CTNNA2: variants seen among roughly 807,000 people sequenced by gnomAD.
CTNNA2 encodes the protein catenin alpha 2.
In CTNNA2, 42 loss-of-function variants were observed where a neutral mutation model predicts 101.0. That is an observed-to-expected ratio of 0.42 (90% confidence interval 0.32 to 0.54). The LOEUF is 0.54. Ranked by LOEUF, CTNNA2 falls within the 20% of genes least tolerant of loss-of-function variation. The pLI, the probability that CTNNA2 is intolerant of heterozygous loss-of-function variation, is 0.14. For missense variants in CTNNA2, 871 were observed against 1,223.1 expected (o/e 0.71, Z 4.29); for synonymous variants, 450 against 456.4 (o/e 0.99, Z 0.18).
intron 1 of CTNNA2, among the ~76,000 whole-genome samples, chr2:79,642,780 T>G (rs1446215737): frequency 1.7e-5 from 1 of 57,948 alleles, no homozygotes; most frequent in Non-Finnish European, 2.8e-5. Context: ...TTTCTCCTGT[T>G]TTTTTTTTTT....
chr2:80,575,857 A>G (rs367561415), intron 13 of CTNNA2, among the ~76,000 whole-genome samples: 5 of 152,152 alleles, frequency 3.3e-5, no homozygotes, highest in African/African-American at 1.2e-4. Context: ...CTATCTCGAC[A>G]TTTCAAGTAG....
chr2:79,723,377 G>C (rs1011579914), intron 2 of CTNNA2, among the ~76,000 whole-genome samples: 9 of 152,142 alleles, frequency 5.9e-5, no homozygotes, highest in African/African-American at 1.7e-4. Context: ...TTCCCTACTG[G>C]TATCAGTGTA....
intron 7 of CTNNA2, among the ~76,000 whole-genome samples, chr2:80,074,593 ACCTGAG>A (rs993672878): frequency 1.3e-5 from 2 of 152,120 alleles, no homozygotes; most frequent in African/African-American, 4.8e-5. Flanking sequence ...TGATCAAACA[ACCTGAG>A]TCCTGTACTC....
At chr2:79,559,711 A>G (rs1330118887) in intron 1 of CTNNA2, among the ~76,000 whole-genome samples, 3 of 151,892 alleles carry the variant, frequency 2.0e-5, no homozygotes, top group East Asian at 1.9e-4. Flanking sequence ...TAGTAGTTCT[A>G]TCTAGCAGAG....
At chr2:80,552,986 G>A (rs1260659594) in intron 11 of CTNNA2, among the ~76,000 whole-genome samples, 1 of 151,584 alleles carries the variant, frequency 6.6e-6, no homozygotes, top group Admixed American at 6.6e-5. Context: ...GGAGGCCAAG[G>A]CAGGCAGATC....
chr2:79,865,012 T>G (rs2103991241), intron 4 of CTNNA2, among the ~76,000 whole-genome samples: 1 of 152,320 alleles, frequency 6.6e-6, no homozygotes, highest in African/African-American at 2.4e-5. Context: ...GGTGTCATTT[T>G]TTTTTGTACA....
rs555603635 is a variant in CTNNA2, at chr2:80,549,337, ATT to A, written c.1540+3282_1540+3283del. 2.3e-4 allele frequency among the ~76,000 whole-genome samples: 35 copies of A among 151,612 alleles called. No individual in the cohort carries two copies. In the East Asian group the frequency reaches 6.6e-3, roughly 29 times the overall value. On this transcript the variant is annotated intron_variant, in intron 11 of 18. Coordinates refer to ENST00000402739, the MANE Select transcript of CTNNA2 (RefSeq NM_001282597.3). ...AGAGTTTTGCTTTTTAACTTTTCCT[ATT>A]TTTTTTTAACTCTACAGTCTTAAGT...
chr2:80,308,735 A>G (rs538441671), intron 7 of CTNNA2, among the ~76,000 whole-genome samples: 61 of 152,324 alleles, frequency 4.0e-4, no homozygotes, highest in African/African-American at 1.3e-3. Flanking sequence ...GATGTAAATG[A>G]TGAGAATAAA....
chr2:80,251,283 C>T (rs983513455), intron 7 of CTNNA2, among the ~76,000 whole-genome samples: 2 of 152,048 alleles, frequency 1.3e-5, no homozygotes, highest in African/African-American at 4.8e-5. Flanking sequence ...CTTTGAGATG[C>T]CATTTGTTAA....
Position 80,303,973 on chromosome 2 carries a change from C to T in CTNNA2, c.1057-89238C>T, listed in dbSNP as rs1676648486. The stretch of plus-strand genomic sequence containing the variant: ...TACATAGAAATAAAGAAGGACCCCC[C>T]TCCCCAAAAACCACACGTTCACCTC... On this transcript the variant is annotated intron_variant, in intron 7 of 18. Transcript: ENST00000402739. This position sits in a 1 kb window ranked among gnomAD's most constrained non-coding sequence, Gnocchi z 7.7. 1 of 910,600 alleles carries T rather than the reference C, an allele frequency of 1.1e-6. No homozygotes were observed. The highest frequency in any genetic ancestry group is 1.7e-5 in the African/African-American group (1 of 58,928). 56.4% of individuals were successfully genotyped at this position (910,600 alleles called of 1,614,324 possible).
chr2:79,587,449 A>G (rs184215427), intron 1 of CTNNA2, among the ~76,000 whole-genome samples: 2 of 151,882 alleles, frequency 1.3e-5, no homozygotes, highest in Non-Finnish European at 2.9e-5. Context: ...ACTGTGCTGA[A>G]TGCTGCCCAT....
chr2:80,232,341 G>GTTTTTTTTT (rs1286822049), intron 7 of CTNNA2, among the ~76,000 whole-genome samples: 23 of 82,022 alleles, frequency 2.8e-4, no homozygotes, highest in Non-Finnish European at 4.6e-4. Context: ...TTGTTTGTTT[G>GTTTTTTTTT]TTTGTTTTTT....
At chr2:80,502,212 C>T (rs1475451894) in intron 9 of CTNNA2, among the ~76,000 whole-genome samples, 3 of 152,184 alleles carry the variant, frequency 2.0e-5, no homozygotes, top group African/African-American at 7.2e-5. Flanking sequence ...GGAACTTTTT[C>T]ACCATAAGTC....
At position 80,111,589 on chromosome 2, in the gene CTNNA2, G is replaced by C. The variant is rs75396883; in HGVS notation, c.1056+201792G>C. On this transcript the variant is annotated intron_variant, in intron 7 of 18. Transcript: ENST00000402739. Reference sequence around the variant, plus strand: ...GATCTAGCTTCTGTTGCCCAGGCTAGAGTGCAGTGTGGCAAGATTATGGCT... The same window carrying C: ...GATCTAGCTTCTGTTGCCCAGGCTACAGTGCAGTGTGGCAAGATTATGGCT... 3.3e-3 allele frequency among the ~76,000 whole-genome samples: 495 copies of C among 152,248 alleles called. 3 individuals carry two copies. The highest frequency in any genetic ancestry group is 0.011 in the African/African-American group (459 of 41,542).
rs146235219 is a variant in CTNNA2 at position 79,611,483 on chromosome 2, C to T, written c.-5-40069C>T. On this transcript the variant is annotated intron_variant, in intron 1 of 18. Coordinates refer to ENST00000402739, the MANE Select transcript of CTNNA2 (RefSeq NM_001282597.3). The stretch of plus-strand genomic sequence containing the variant: ...GTCTCTCGACTAGGCACGAGGAAGG[C>T]ATTAAATACAGAATTAAACAAATAA... Among the ~76,000 whole-genome samples, 98 of 152,208 alleles carry T rather than the reference C, an allele frequency of 6.4e-4. 1 individual carries two copies. Among genetic ancestry groups the T allele is most frequent in the African/African-American group, 2.3e-3 (95 of 41,544 alleles).
chr2:79,460,279 T>C (rs911635771), intron 4 of CTNNA2, among the ~76,000 whole-genome samples: 1 of 152,168 alleles, frequency 6.6e-6, no homozygotes, highest in African/African-American at 2.4e-5. Context: ...ATCACCTCAG[T>C]CTAACTATAT....
At chr2:79,493,863 C>T (rs2104566835) in intron 4 of CTNNA2, 1 of 152,188 alleles carries the variant, frequency 6.6e-6, no homozygotes, top group East Asian at 1.9e-4. Context: ...CTTGTTCCTT[C>T]AGTCTTTGAA....
At chr2:80,637,831 C>T (rs1411992340) in intron 18 of CTNNA2, among the ~76,000 whole-genome samples, 1 of 152,244 alleles carries the variant, frequency 6.6e-6, no homozygotes, top group Middle Eastern at 3.4e-3. Flanking sequence ...CAACCTGCAC[C>T]CAAACCGCAG....
chr2:79,212,953 A>T (rs1472558527), intron 2 of CTNNA2, among the ~76,000 whole-genome samples: 1 of 152,192 alleles, frequency 6.6e-6, no homozygotes, highest in Non-Finnish European at 1.5e-5. Flanking sequence ...ATGCAAAGGA[A>T]ATGAGAGGTT....
Sources: allele counts gnomAD v4.1 joint callset (sites outside exome capture counted in the v4.1 genomes callset), GRCh38; gene constraint gnomAD v4.1.1; non-coding constraint Gnocchi (gnomAD v3.1); transcripts MANE v1.5; gene names NCBI Gene and HGNC (gene_info 2026-07-23, HGNC 2026-07-21).